Variants in HYDIN observed in about 807,000 individuals in gnomAD.
The protein encoded by HYDIN is axonemal central pair apparatus protein HYDIN.
A neutral mutation model predicts 403.9 loss-of-function variants in HYDIN; 132 were observed. That is an observed-to-expected ratio of 0.33 (90% CI 0.28 to 0.38). The LOEUF is 0.38. HYDIN is among the 10% of genes least tolerant of loss of function. The pLI, the probability that HYDIN is intolerant of heterozygous loss-of-function variation, is 1.00. For missense variants in HYDIN, 2,827 were observed against 5,009.5 expected, an observed-to-expected ratio of 0.56 and a Z score of 13.15; for synonymous variants, 1,202 against 1,891.7, an observed-to-expected ratio of 0.64 and a Z score of 9.46.
At chr16:71,221,185 C>G (rs192937683) in intron 1 of HYDIN, among the ~76,000 whole-genome samples, 2 of 152,046 alleles carry the variant, frequency 1.3e-5, no homozygotes, top group Admixed American at 1.3e-4. Context: ...AAAAATAAAG[C>G]CTTCCTATCC....
chr16:71,040,968 G>A (rs1052741248), intron 18 of HYDIN, among the ~76,000 whole-genome samples: 4 of 149,986 alleles, frequency 2.7e-5, no homozygotes, highest in East Asian at 1.9e-4. Context: ...CCTCCTCTGC[G>A]CTTCACATTA....
intron 13 of HYDIN, among the ~76,000 whole-genome samples, chr16:71,070,439 C>T (rs2082431244): frequency 6.6e-6 from 1 of 150,658 alleles, no homozygotes; most frequent in South Asian, 2.1e-4. Flanking sequence ...CTGCCTCAGC[C>T]TCCTGAGTAG....
At chr16:71,030,350 C>A (rs1416990298) in intron 19 of HYDIN, among the ~76,000 whole-genome samples, 1 of 151,930 alleles carries the variant, frequency 6.6e-6, no homozygotes, top group African/African-American at 2.4e-5. Context: ...AACCACTGCT[C>A]CCAGCCCAAA....
At chr16:71,056,660 T>C (rs1224534418) in intron 18 of HYDIN, among the ~76,000 whole-genome samples, 2 of 152,252 alleles carry the variant, frequency 1.3e-5, no homozygotes, top group East Asian at 1.9e-4. Context: ...ACATTCACCC[T>C]ATGGCCAAAA....
chr16:70,894,432 G>C lies in HYDIN; in HGVS notation c.9248+17C>G, dbSNP rs150471373. 8.7e-4 allele frequency: 1,396 copies of C among 1,607,466 alleles called. 12 individuals carry two copies. In the African/African-American group the frequency reaches 0.011, roughly 13 times the overall value. On this transcript the variant is annotated intron_variant, in intron 55 of 85. Coordinates refer to ENST00000393567, the MANE Select transcript of HYDIN (RefSeq NM_001270974.2). The stretch of plus-strand genomic sequence containing the variant: ...CGGCGGACTTGATGGCCTTACATCT[G>C]ATGGGATTCCAGTTACCTGAACGCG...
intron 10 of HYDIN, among the ~76,000 whole-genome samples, chr16:71,100,084 ATCCAGCAACAGTCAGAAAAATT>A (rs2083409877): frequency 6.6e-6 from 1 of 152,146 alleles, no homozygotes; most frequent in South Asian, 2.1e-4. Context: ...GTATTTCTAT[ATCCAGCAACAGTCAGAAAAATT>A]TAGTTTTCAA....
chr16:71,050,045 G>GT (rs2081586140), intron 18 of HYDIN, among the ~76,000 whole-genome samples: 2 of 138,544 alleles, frequency 1.4e-5, no homozygotes, highest in African/African-American at 5.5e-5. Flanking sequence ...TGTGTGTGTG[G>GT]GTGTGTGTGT....
At chr16:71,096,128 C>T (rs1332324514) in intron 10 of HYDIN, among the ~76,000 whole-genome samples, 6 of 152,146 alleles carry the variant, frequency 3.9e-5, no homozygotes, top group Non-Finnish European at 7.4e-5. Flanking sequence ...TTACTATTAT[C>T]GAACATGTAT....
At chr16:71,024,981 C>G (rs2080641361) in intron 21 of HYDIN, among the ~76,000 whole-genome samples, 1 of 152,150 alleles carries the variant, frequency 6.6e-6, no homozygotes. Flanking sequence ...GAACATGGCT[C>G]CATGTCTAGC....
chr16:70,942,109 C>T (rs1188363681), intron 42 of HYDIN, among the ~76,000 whole-genome samples: 2 of 145,922 alleles, frequency 1.4e-5, no homozygotes, highest in African/African-American at 2.5e-5. Flanking sequence ...ACTGCAACCT[C>T]TGTCTCCCGG....
chr16:71,230,565 G>C lies in HYDIN; in HGVS notation c.-27C>G, dbSNP rs898918889. The C allele has an allele frequency of 1.6e-5, 24 of 1,534,628 alleles. No homozygotes were observed. In the African/African-American group the frequency reaches 2.7e-4, roughly 17 times the overall value. On this transcript the variant is annotated 5_prime_UTR_variant, in exon 1 of 86. Coordinates refer to ENST00000393567, the MANE Select transcript of HYDIN (RefSeq NM_001270974.2). ...AATCTCTGCGAGGACCTCTGACCTT[G>C]GTGCACTCCGGGTCCCACGTTTATT...
At chr16:71,115,415 C>T (rs1335875850) in intron 10 of HYDIN, among the ~76,000 whole-genome samples, 22 of 152,144 alleles carry the variant, frequency 1.4e-4, no homozygotes, top group Admixed American at 1.1e-3. Flanking sequence ...TACCCAATCT[C>T]GGGCAGTTAT....
intron 5 of HYDIN, among the ~76,000 whole-genome samples, chr16:71,170,276 G>C (rs1414708567): frequency 6.6e-6 from 1 of 152,152 alleles, no homozygotes; most frequent in Non-Finnish European, 1.5e-5. Flanking sequence ...CAACCAGTAA[G>C]TGCAAAATAA....
At position 71,077,631 on chromosome 16, in the gene HYDIN, A is replaced by G. The variant is rs534945937; in HGVS notation, c.1738+2254T>C. Among the ~76,000 whole-genome samples the G allele has an allele frequency of 2.6e-5, 4 of 152,024 alleles. No homozygotes were observed. In the East Asian group the frequency reaches 7.7e-4, roughly 29 times the overall value. On this transcript the variant is annotated intron_variant, in intron 13 of 85. Coordinates refer to ENST00000393567, the MANE Select transcript of HYDIN (RefSeq NM_001270974.2). ...CACAATGGCTTGGACCTCCAGGACAATGTTATATGATAGCTTGAGAATAGT... is the reference window on the plus strand; with the variant it reads ...CACAATGGCTTGGACCTCCAGGACAGTGTTATATGATAGCTTGAGAATAGT...
intron 27 of HYDIN, among the ~76,000 whole-genome samples, chr16:70,986,450 G>C (rs980442412): frequency 1.6e-4 from 24 of 152,196 alleles, no homozygotes; most frequent in Non-Finnish European, 3.4e-4. Context: ...AATTCTATTT[G>C]GTCAGCATCA....
chr16:71,019,613 T>A lies in HYDIN; in HGVS notation c.3330+561A>T, dbSNP rs1286771690. ...TGATTAAATGTTTTGAAGATTGACT[T>A]AACTTTTTTTTTTTTCCAGGAAAAT... On this transcript the variant is annotated intron_variant, in intron 22 of 85. Transcript: ENST00000393567. Among the ~76,000 whole-genome samples the A allele has an allele frequency of 5.9e-5, 9 of 152,358 alleles. No individual in the cohort carries two copies. The East Asian group carries it at 1.7e-3, about 29-fold the overall frequency.
chr16:71,182,610 T>C (rs748051489), intron 3 of HYDIN, among the ~76,000 whole-genome samples: 2 of 152,130 alleles, frequency 1.3e-5, no homozygotes, highest in Admixed American at 6.6e-5. Flanking sequence ...ATCAGGCTTT[T>C]AGAGATGGAA....
intron 1 of HYDIN, among the ~76,000 whole-genome samples, chr16:71,219,274 T>C (rs545545636): frequency 5.1e-4 from 77 of 152,066 alleles, no homozygotes; most frequent in Non-Finnish European, 8.7e-4. Flanking sequence ...CAGGACATTT[T>C]AGATAGCTTA....
intron 15 of HYDIN, chr16:71,066,756 A>C: frequency 2.6e-6 from 1 of 387,418 alleles, no homozygotes; most frequent in Non-Finnish European, 5.1e-6. Flanking sequence ...AAGAGAGAGG[A>C]GTTGGAGATG....
Sources: allele counts gnomAD v4.1 joint callset (sites outside exome capture counted in the v4.1 genomes callset), GRCh38; gene constraint gnomAD v4.1.1; transcripts MANE v1.5; gene names NCBI Gene and HGNC (gene_info 2026-07-23, HGNC 2026-07-21).